FIGN: variants seen among roughly 807,000 people sequenced by gnomAD.
The protein encoded by FIGN is fidgetin, microtubule severing factor, also known as fidgetin.
In FIGN, 11 loss-of-function variants were observed where a neutral mutation model predicts 51.3. That is an observed-to-expected ratio of 0.21 (90% CI 0.13 to 0.35). FIGN has a LOEUF of 0.35. Among genes scored for constraint, FIGN ranks in the 10% least tolerant of loss-of-function variants. FIGN has a pLI of 1.00. For synonymous variants in FIGN, 407 were observed against 363.2 expected (o/e 1.12, Z -1.37); for missense variants, 857 against 943.6 (o/e 0.91, Z 1.20).
chr2:163,658,319 T>C (rs1029672884), intron 2 of FIGN, among the ~76,000 whole-genome samples: 1 of 150,910 alleles, frequency 6.6e-6, no homozygotes, highest in African/African-American at 2.4e-5. Flanking sequence ...CATGGGCAAA[T>C]CTGGCTGATA....
chr2:163,676,480 TATAA>T (rs542080311), intron 2 of FIGN, among the ~76,000 whole-genome samples: 5,210 of 76,610 alleles, frequency 0.068, 834 homozygotes, highest in Non-Finnish European at 0.094. Context: ...TATATATATA[TATAA>T]CTAGAGTCTG....
In FIGN at chr2:163,703,001, C is replaced by T. The variant is rs372854347; in HGVS notation, c.25+31902G>A. 2.6e-4 allele frequency among the ~76,000 whole-genome samples: 39 copies of T among 151,362 alleles called. No individual in the cohort carries two copies. In the South Asian group the frequency reaches 7.7e-3, roughly 30 times the overall value. Reference sequence around the variant, plus strand: ...CCCTGAACAGGTTGAGCAAGGTCTCCGCAAAATCTGCTCAGGGTGATTATT... The same window carrying T: ...CCCTGAACAGGTTGAGCAAGGTCTCTGCAAAATCTGCTCAGGGTGATTATT... On this transcript the variant is annotated intron_variant, in intron 2 of 2. Coordinates refer to ENST00000333129, the MANE Select transcript of FIGN (RefSeq NM_018086.4).
intron 2 of FIGN, chr2:163,612,488 C>T: frequency 1.0e-6 from 1 of 985,348 alleles, no homozygotes; most frequent in Non-Finnish European, 1.2e-6. Context: ...AAAGCAATCT[C>T]CCAGGCAGCG....
At chr2:163,711,223 G>T (rs999991111) in intron 2 of FIGN, among the ~76,000 whole-genome samples, 1 of 152,062 alleles carries the variant, frequency 6.6e-6, no homozygotes, top group Admixed American at 6.5e-5. Flanking sequence ...GTTTCATGTT[G>T]CATCAAAGTA....
At position 163,609,647 on chromosome 2, in the gene FIGN, A is replaced by G; in HGVS notation, c.2185T>C (p.Phe729Leu). Residue 729 changes from phenylalanine to leucine, a missense_variant, in exon 3 of 3, where the codon TTT becomes CTT. Around this residue, in one of 3 missense-constraint regions of FIGN, gnomAD observed 799 missense variants for 849.5 expected, o/e 0.94. Coordinates refer to ENST00000333129, the MANE Select transcript of FIGN (RefSeq NM_018086.4). ...TGAATCTTGCAGAAAGCATTTTCAA[A>G]GTCTTGATATGTAACGGGCCTCAAC... ...SQLRPVTYQD[F>L]ENAFCKIQPS... is the part of the protein sequence containing the mutation. The G allele has an allele frequency of 6.2e-7, 1 of 1,614,120 alleles. No homozygotes were observed. The highest frequency in any genetic ancestry group is 8.5e-7 in the Non-Finnish European group (1 of 1,180,026).
chr2:163,675,544 G>T (rs1683944123), intron 2 of FIGN, among the ~76,000 whole-genome samples: 1 of 152,032 alleles, frequency 6.6e-6, no homozygotes. Flanking sequence ...AAGTCTTCTG[G>T]GTGACTCTAA....
At chr2:163,625,957 C>A (rs887302315) in intron 2 of FIGN, among the ~76,000 whole-genome samples, 1 of 152,060 alleles carries the variant, frequency 6.6e-6, no homozygotes, top group African/African-American at 2.4e-5. Flanking sequence ...AATTTATACC[C>A]ATTCATGACA....
chr2:163,723,800 C>T (rs887129834), intron 2 of FIGN, among the ~76,000 whole-genome samples: 1 of 152,120 alleles, frequency 6.6e-6, no homozygotes, highest in Non-Finnish European at 1.5e-5. Flanking sequence ...AACTAATACC[C>T]ATCAACTCTT....
intron 2 of FIGN, among the ~76,000 whole-genome samples, chr2:163,723,213 T>TAATAA (rs532394093): frequency 3.3e-5 from 5 of 151,720 alleles, no homozygotes; most frequent in Admixed American, 2.6e-4. Context: ...AATAATAAAA[T>TAATAA]AATAAAATAA....
intron 2 of FIGN, among the ~76,000 whole-genome samples, chr2:163,719,869 T>C (rs2105362105): frequency 6.6e-6 from 1 of 152,352 alleles, no homozygotes; most frequent in Non-Finnish European, 1.5e-5. Flanking sequence ...ATTTATTTTT[T>C]AGTATAAAAT....
At chr2:163,684,555 G>C (rs1051816546) in intron 2 of FIGN, among the ~76,000 whole-genome samples, 2 of 152,106 alleles carry the variant, frequency 1.3e-5, no homozygotes, top group Non-Finnish European at 1.5e-5. Context: ...CCCTAGCTTG[G>C]TTGTCTACAT....
chr2:163,605,228 T>C lies in FIGN; in HGVS notation c.*4324A>G, dbSNP rs1691081956. ...AACAGGGGAAAGAGGAGAGACTTGT[T>C]CATTAAAGATGCAGTATCCCTGGTT... On this transcript the variant is annotated 3_prime_UTR_variant, in exon 3 of 3. Coordinates refer to ENST00000333129, the MANE Select transcript of FIGN (RefSeq NM_018086.4). The C allele has an allele frequency of 6.6e-6, 1 of 151,926 alleles. No individual in the cohort carries two copies. Among genetic ancestry groups the C allele is most frequent in the Non-Finnish European group, 1.5e-5 (1 of 67,976 alleles). The allele number at this position is 151,926 out of a possible 1,614,324, so 9.4% of individuals were successfully genotyped here.
At chr2:163,624,090 C>T (rs113402547) in intron 2 of FIGN, among the ~76,000 whole-genome samples, 4 of 151,836 alleles carry the variant, frequency 2.6e-5, no homozygotes, top group African/African-American at 9.7e-5. Flanking sequence ...CTGTTAAATA[C>T]AGCTAAATAA....
chr2:163,718,823 A>G (rs1375237633), intron 2 of FIGN, among the ~76,000 whole-genome samples: 3 of 145,842 alleles, frequency 2.1e-5, no homozygotes, highest in African/African-American at 7.9e-5. Context: ...GATTATATAT[A>G]TATAAGACAG....
intron 2 of FIGN, among the ~76,000 whole-genome samples, chr2:163,690,839 T>TTG (rs1489307534): frequency 2.6e-5 from 4 of 151,852 alleles, no homozygotes; most frequent in East Asian, 1.9e-4. Flanking sequence ...TCATTGGAAT[T>TTG]TGTGTGTGTG....
In FIGN at chr2:163,735,881, A is replaced by T. The variant is rs186728693; in HGVS notation, c.-189T>A. 5.6e-4 allele frequency: 85 copies of T among 152,782 alleles called. 1 individual carries two copies. The highest frequency in any genetic ancestry group is 1.0e-3 in the Non-Finnish European group (69 of 68,052). 9.5% of individuals were successfully genotyped at this position (152,782 alleles called of 1,614,324 possible). A position where few individuals can be genotyped will look rare whatever the true frequency, so the allele number is the denominator to read the frequency against. On this transcript the variant is annotated 5_prime_UTR_variant, in exon 1 of 3. Transcript: ENST00000333129. ...AACCCGATAGGTTAGCGTAGCATCG[A>T]TCCGATGTGTTTGCTGATGAATGGA...
intron 2 of FIGN, among the ~76,000 whole-genome samples, chr2:163,614,903 A>C (rs1040700609): frequency 4.6e-5 from 7 of 152,286 alleles, no homozygotes; most frequent in Middle Eastern, 3.4e-3. Flanking sequence ...TTCATACAAG[A>C]GATGAAAAAA....
rs1691102740 is a variant in FIGN at position 163,605,959 on chromosome 2, G to A, written c.*3593C>T. On this transcript the variant is annotated 3_prime_UTR_variant, in exon 3 of 3. Coordinates refer to ENST00000333129, the MANE Select transcript of FIGN (RefSeq NM_018086.4). Reference sequence around the variant, plus strand: ...CATAGCCAAGTACTATGCAACCCATGTAAATTGACCTTGCTATTTTACATA... The same window carrying A: ...CATAGCCAAGTACTATGCAACCCATATAAATTGACCTTGCTATTTTACATA... 1.3e-5 allele frequency: 2 copies of A among 150,582 alleles called. No individual in the cohort carries two copies. The highest frequency in any genetic ancestry group is 3.0e-5 in the Non-Finnish European group (2 of 67,788). 9.3% of individuals were successfully genotyped at this position (150,582 alleles called of 1,614,324 possible).
chr2:163,616,861 C>A (rs1323262465), intron 2 of FIGN, among the ~76,000 whole-genome samples: 1 of 152,110 alleles, frequency 6.6e-6, no homozygotes, highest in Non-Finnish European at 1.5e-5. Flanking sequence ...ACATACAGAG[C>A]ATTCAAAATT....
Sources: allele counts gnomAD v4.1 joint callset (sites outside exome capture counted in the v4.1 genomes callset), GRCh38; gene constraint gnomAD v4.1.1; regional missense constraint gnomAD v4.1.1; transcripts MANE v1.5; gene names NCBI Gene and HGNC (gene_info 2026-07-23, HGNC 2026-07-21).